Variants in EXTL3 observed in about 807,000 individuals in gnomAD.
EXTL3 encodes exostosin-like 3.
In EXTL3, 27 loss-of-function variants were observed where a neutral mutation model predicts 69.3. The ratio of observed to expected loss-of-function variants is 0.39; its 90% CI spans 0.29 to 0.54. The LOEUF (loss-of-function observed/expected upper bound fraction) is 0.54, where lower values mean the gene tolerates loss of function less well. Ranked by LOEUF, EXTL3 falls within the 20% of genes least tolerant of loss-of-function variation. The pLI, the probability that EXTL3 is intolerant of heterozygous loss-of-function variation, is 0.69. For missense variants in EXTL3, 1,003 were observed against 1,231.8 expected, an observed-to-expected ratio of 0.81 and a Z score of 2.78; for synonymous variants, 511 against 499.4, an observed-to-expected ratio of 1.02 and a Z score of -0.31.
intron 1 of EXTL3, among the ~76,000 whole-genome samples, chr8:28,678,398 G>T (rs1365185758): frequency 6.6e-6 from 1 of 152,158 alleles, no homozygotes; most frequent in Non-Finnish European, 1.5e-5. Context: ...GGGTAATGGG[G>T]GTGGATCATT....
chr8:28,690,270 T>A (rs1800592918), intron 1 of EXTL3, among the ~76,000 whole-genome samples: 1 of 152,190 alleles, frequency 6.6e-6, no homozygotes, highest in Non-Finnish European at 1.5e-5. Context: ...TGGATTGCAG[T>A]GGCACAATCT....
At chr8:28,721,857 CAT>C (rs1377699661) in intron 3 of EXTL3, among the ~76,000 whole-genome samples, 7 of 152,144 alleles carry the variant, frequency 4.6e-5, no homozygotes, top group Non-Finnish European at 1.0e-4. Context: ...GGAGTTGTAA[CAT>C]GTGGGCTGTT....
chr8:28,688,045 G>A (rs1043089816), intron 1 of EXTL3, among the ~76,000 whole-genome samples: 65 of 150,350 alleles, frequency 4.3e-4, no homozygotes, highest in African/African-American at 1.4e-3. Context: ...GTGAATGACA[G>A]TAGAGAAGAG....
At chr8:28,694,157 TC>T (rs1800653951) in intron 1 of EXTL3, among the ~76,000 whole-genome samples, 1 of 152,160 alleles carries the variant, frequency 6.6e-6, no homozygotes, top group Non-Finnish European at 1.5e-5. Flanking sequence ...GGGACTCAAA[TC>T]CCCTTCTCCT....
upstream of EXTL3, among the ~76,000 whole-genome samples, chr8:28,618,270 C>T (rs60252051): frequency 0.03 from 4,625 of 151,830 alleles, 252 homozygotes; most frequent in African/African-American, 0.11. Context: ...AGTTCAAGAC[C>T]AGCCTGACCA....
rs1252858112 is a variant in EXTL3, at chr8:28,713,462, C to G, written c.-564C>G. 1 of 683,474 alleles carries G rather than the reference C, an allele frequency of 1.5e-6. No homozygotes were observed. Among genetic ancestry groups the G allele is most frequent in the South Asian group, 1.6e-5 (1 of 62,812 alleles). The allele number at this position is 683,474 out of a possible 1,614,324, so 42.3% of individuals were successfully genotyped here. On this transcript the variant is annotated 5_prime_UTR_variant, in exon 2 of 7. Coordinates refer to ENST00000220562, the MANE Select transcript of EXTL3 (RefSeq NM_001440.4). ...TGTTTTTTTTTTTAAATCAGGAGAG[C>G]AAGCCCTGGAGGTTCACTCTTTCAA...
chr8:28,617,910 A>G (rs1198696333), upstream of EXTL3, among the ~76,000 whole-genome samples: 1 of 152,232 alleles, frequency 6.6e-6, no homozygotes, highest in African/African-American at 2.4e-5. Flanking sequence ...ATATTGCACG[A>G]TTCCATTTAT....
At chr8:28,613,237 G>A (rs1049154807) in intron 2 of EXTL3, among the ~76,000 whole-genome samples, 2 of 152,094 alleles carry the variant, frequency 1.3e-5, no homozygotes, top group South Asian at 2.1e-4. Context: ...AAGCTGGAGT[G>A]CAATGGCATG....
chr8:28,621,150 C>G (rs1012183110), upstream of EXTL3, among the ~76,000 whole-genome samples: 2 of 152,204 alleles, frequency 1.3e-5, no homozygotes, highest in Non-Finnish European at 2.9e-5. Flanking sequence ...TCCTTCCCCA[C>G]TGACAGGCTG....
At chr8:28,693,610 A>T (rs923738323) in intron 1 of EXTL3, among the ~76,000 whole-genome samples, 3 of 152,222 alleles carry the variant, frequency 2.0e-5, no homozygotes, top group African/African-American at 7.2e-5. Context: ...CTTGAAACTG[A>T]TATTAACTCA....
At chr8:28,644,740 C>T (rs1447458629) in intron 1 of EXTL3, among the ~76,000 whole-genome samples, 2 of 152,202 alleles carry the variant, frequency 1.3e-5, no homozygotes, top group African/African-American at 4.8e-5. Context: ...TTCCTTGCTT[C>T]AACTGATTAT....
rs544432538 is a variant in EXTL3, at chr8:28,693,446, C to T, written c.-52-20011C>T. Among the ~76,000 whole-genome samples the T allele has an allele frequency of 7.2e-5, 11 of 152,286 alleles. No homozygotes were observed. The East Asian group carries it at 2.1e-3, about 29-fold the overall frequency. On this transcript the variant is annotated intron_variant, in intron 1 of 6. Coordinates refer to the EXTL3 transcript ENST00000523149. ...GATTATAGGCATGAGCCACAGTGCCCAGCCACAGAAAACAGATTTGAATCA... is the reference window on the plus strand; with the variant it reads ...GATTATAGGCATGAGCCACAGTGCCTAGCCACAGAAAACAGATTTGAATCA...
intron 1 of EXTL3, among the ~76,000 whole-genome samples, chr8:28,659,458 A>G (rs1807069023): frequency 6.6e-6 from 1 of 152,216 alleles, no homozygotes; most frequent in African/African-American, 2.4e-5. Flanking sequence ...GCCTGATTAG[A>G]GTTCAGTTGA....
intron 1 of EXTL3, among the ~76,000 whole-genome samples, chr8:28,659,453 A>C (rs56044503): frequency 0.028 from 4,265 of 152,300 alleles, 93 homozygotes; most frequent in Non-Finnish European, 0.039. Flanking sequence ...CTCACGCCTG[A>C]TTAGAGTTCA....
chr8:28,683,599 G>A (rs1184173060), intron 1 of EXTL3, among the ~76,000 whole-genome samples: 1 of 152,136 alleles, frequency 6.6e-6, no homozygotes, highest in Non-Finnish European at 1.5e-5. Context: ...TGGATCACAA[G>A]GTCAGGAGAT....
chr8:28,673,371 C>T (rs1807329140), intron 1 of EXTL3, among the ~76,000 whole-genome samples: 1 of 152,166 alleles, frequency 6.6e-6, no homozygotes, highest in Admixed American at 6.5e-5. Flanking sequence ...AGTAGATTGC[C>T]TTCCCTAATG....
chr8:28,661,613 C>T (rs946126782), intron 1 of EXTL3, among the ~76,000 whole-genome samples: 2 of 151,756 alleles, frequency 1.3e-5, no homozygotes, highest in African/African-American at 4.8e-5. Context: ...GGTGAGGTGG[C>T]TCATGCCTGT....
At chr8:28,731,463 CAG>C in intron 4 of EXTL3, 113 bp downstream of exon 4, 1 of 1,130,962 alleles carries the variant, frequency 8.8e-7, no homozygotes, top group Admixed American at 1.9e-5. Context: ...TGCAGATAGT[CAG>C]GGCTGATGTA....
chr8:28,618,560 C>G (rs746513091), upstream of EXTL3, among the ~76,000 whole-genome samples: 4 of 151,964 alleles, frequency 2.6e-5, no homozygotes, highest in Non-Finnish European at 5.9e-5. Context: ...ACGTCCGGCA[C>G]GAAAGAGGTT....
Sources: gnomAD v4.1 joint callset for allele counts (sites outside exome capture counted in the v4.1 genomes callset) on GRCh38, gnomAD v4.1.1 for gene constraint, MANE v1.5 for transcripts, NCBI Gene and HGNC (gene_info 2026-07-23, HGNC 2026-07-21) for gene names.